Variants in CIMIP4 observed in about 807,000 individuals in gnomAD.
CIMIP4 encodes the protein ciliary microtubule inner protein 4.
the CIMIP4 span, among the ~76,000 whole-genome samples, chr22:36,999,565 G>A: frequency 3.1e-5 from 1 of 31,914 alleles, no homozygotes; most frequent in Non-Finnish European, 5.6e-5. Flanking sequence ...GGGGAGGGGA[G>A]GGGGGAGGGG....
At chr22:36,994,821 G>A in the CIMIP4 span, among the ~76,000 whole-genome samples, 1 of 151,860 alleles carries the variant, frequency 6.6e-6, no homozygotes, top group Non-Finnish European at 1.5e-5. Context: ...TAGTAGAGAC[G>A]GGGTTTCACC....
the CIMIP4 span, chr22:37,002,331 G>A: frequency 1.5e-6 from 2 of 1,301,244 alleles, no homozygotes; most frequent in African/African-American, 1.5e-5. Flanking sequence ...AAACAGAGGG[G>A]GAGGGAGAGA....
At chr22:36,996,418 G>C in the CIMIP4 span, among the ~76,000 whole-genome samples, 56 of 150,544 alleles carry the variant, frequency 3.7e-4, no homozygotes, top group African/African-American at 1.4e-3. Flanking sequence ...ATTTTAAAAA[G>C]ATATCATTTT....
chr22:37,003,952 T>C, the CIMIP4 span: 1 of 1,548,622 alleles, frequency 6.5e-7, no homozygotes, highest in East Asian at 2.5e-5. Context: ...ACATCCCTGG[T>C]CTGCCTGTCC....
chr22:36,992,807 AT>A, the CIMIP4 span, among the ~76,000 whole-genome samples: 2 of 152,192 alleles, frequency 1.3e-5, no homozygotes, highest in East Asian at 3.9e-4. Context: ...TTAGGATGCA[AT>A]ACAAAGAAAT....
the CIMIP4 span, chr22:37,002,202 T>G: frequency 6.8e-7 from 1 of 1,480,216 alleles, no homozygotes; most frequent in Non-Finnish European, 9.0e-7. Flanking sequence ...CCCTGGTTCT[T>G]GAACTTGGAG....
the CIMIP4 span, among the ~76,000 whole-genome samples, chr22:37,005,143 C>T: frequency 2.0e-5 from 3 of 152,068 alleles, no homozygotes; most frequent in East Asian, 3.9e-4. Flanking sequence ...AGAATAGAAG[C>T]CCTGAGTCCA....
the CIMIP4 span, chr22:37,002,286 T>C: frequency 7.0e-7 from 1 of 1,421,752 alleles, no homozygotes; most frequent in Non-Finnish European, 9.2e-7. Flanking sequence ...AGATGGGCCC[T>C]GGTGAAAGTG....
At chr22:36,991,361 C>G in the CIMIP4 span, 1 of 1,556,980 alleles carries the variant, frequency 6.4e-7, no homozygotes. Context: ...TGACTCGTAC[C>G]TCTTCCAAGT....
chr22:36,991,233 T>G, the CIMIP4 span: 1 of 1,614,236 alleles, frequency 6.2e-7, no homozygotes, highest in Middle Eastern at 1.6e-4. Flanking sequence ...CTTCCAGTGC[T>G]TTCTGCAAGT....
the CIMIP4 span, chr22:36,991,188 G>T: frequency 3.7e-5 from 59 of 1,614,066 alleles, no homozygotes; most frequent in African/African-American, 5.7e-4. Context: ...ACTAGTACTT[G>T]GAGCTCTTGG....
chr22:37,004,519 C>G, the CIMIP4 span, among the ~76,000 whole-genome samples: 67,075 of 151,890 alleles, frequency 0.44, 14,949 homozygotes, highest in East Asian at 0.53. Context: ...GTCGTTCGTG[C>G]TCAGGGAAGG....
chr22:36,991,435 G>T, the CIMIP4 span: 4 of 1,590,658 alleles, frequency 2.5e-6, no homozygotes, highest in Non-Finnish European at 3.5e-6. Flanking sequence ...CACCCTGCTG[G>T]TGGAGGACAG....
chr22:36,991,438 G>A, the CIMIP4 span: 2 of 1,595,764 alleles, frequency 1.3e-6, no homozygotes, highest in Non-Finnish European at 1.7e-6. Flanking sequence ...CCTGCTGGTG[G>A]AGGACAGTCC....
chr22:37,001,767 T>C, the CIMIP4 span: 1 of 1,418,636 alleles, frequency 7.0e-7, no homozygotes, highest in Admixed American at 2.7e-5. Context: ...GACTCTGTAC[T>C]CAAGAGTGAG....
the CIMIP4 span, chr22:37,002,053 C>A: frequency 6.2e-7 from 1 of 1,609,500 alleles, no homozygotes; most frequent in East Asian, 2.2e-5. Flanking sequence ...TCTTCAGGGA[C>A]CTGGACTGTG....
At chr22:36,995,644 T>A in the CIMIP4 span, among the ~76,000 whole-genome samples, 1 of 152,152 alleles carries the variant, frequency 6.6e-6, no homozygotes, top group Non-Finnish European at 1.5e-5. Flanking sequence ...CCAGCTCCAT[T>A]TTCCCCCATG....
At chr22:36,996,658 T>G in the CIMIP4 span, among the ~76,000 whole-genome samples, 1 of 151,910 alleles carries the variant, frequency 6.6e-6, no homozygotes, top group Admixed American at 6.6e-5. Flanking sequence ...CCCAACAGGG[T>G]TTTTCATGGA....
the CIMIP4 span, chr22:37,002,014 C>T: frequency 6.2e-7 from 1 of 1,613,374 alleles, no homozygotes; most frequent in Middle Eastern, 1.7e-4. Flanking sequence ...TGGCCCTGTT[C>T]TCTCTCGAGG....
Sources: allele counts gnomAD v4.1 joint callset (sites outside exome capture counted in the v4.1 genomes callset), GRCh38; gene constraint gnomAD v4.1.1; transcripts MANE v1.5; gene names NCBI Gene and HGNC (gene_info 2026-07-23, HGNC 2026-07-21).